Variants in SLC24A2 observed in about 807,000 individuals in gnomAD.
SLC24A2 encodes solute carrier family 24 member 2.
SLC24A2 carries 36 observed loss-of-function variants against 62.0 expected under a neutral mutation model. The observed-to-expected ratio is 0.58, with a 90% confidence interval of 0.44 to 0.77. The LOEUF is 0.77. Among genes scored for constraint, SLC24A2 ranks in the 30% least tolerant of loss-of-function variants. SLC24A2 has a pLI of 0.00. For synonymous variants in SLC24A2, 358 were observed against 294.0 expected, an observed-to-expected ratio of 1.22 and a Z score of -2.23; for missense variants, 846 against 817.9, an observed-to-expected ratio of 1.03 and a Z score of -0.42.
chr9:19,739,949 C>G (rs778666573), intron 2 of SLC24A2, among the ~76,000 whole-genome samples: 11 of 152,118 alleles, frequency 7.2e-5, no homozygotes, highest in Non-Finnish European at 1.5e-4. Flanking sequence ...ATATAAAGAA[C>G]TCCTACAAAT....
the SLC24A2 span, among the ~76,000 whole-genome samples, chr9:19,964,185 C>T: frequency 8.0e-6 from 1 of 124,358 alleles, no homozygotes; most frequent in Non-Finnish European, 1.6e-5. Context: ...CACATGGACA[C>T]AGGAAGGGGA....
chr9:20,272,343 G>C, the SLC24A2 span, among the ~76,000 whole-genome samples: 1 of 152,178 alleles, frequency 6.6e-6, no homozygotes, highest in African/African-American at 2.4e-5. Context: ...GAGAACTGCT[G>C]TTTTAGAGTC....
chr9:20,157,677 G>C, the SLC24A2 span, among the ~76,000 whole-genome samples: 1 of 151,558 alleles, frequency 6.6e-6, no homozygotes, highest in African/African-American at 2.4e-5. Flanking sequence ...TTCTGGTGGA[G>C]AATCAAATAC....
chr9:19,969,764 A>G, the SLC24A2 span, among the ~76,000 whole-genome samples: 1 of 152,354 alleles, frequency 6.6e-6, no homozygotes, highest in Non-Finnish European at 1.5e-5. Flanking sequence ...TAAAGATCAT[A>G]GAGCTTGTAA....
In SLC24A2 at chr9:19,510,435, C is replaced by A. The variant is rs1284754801; in HGVS notation, c.*5718G>T. Reference sequence around the variant, plus strand: ...GTGCCCAGATGCAGTTACTTTTTGCCAAAAAAAAAAAAAAAAAAAAAAAAA... The same window carrying A: ...GTGCCCAGATGCAGTTACTTTTTGCAAAAAAAAAAAAAAAAAAAAAAAAAA... On this transcript the variant is annotated 3_prime_UTR_variant, in exon 11 of 11. Coordinates refer to ENST00000341998, the MANE Select transcript of SLC24A2 (RefSeq NM_020344.4). 117 of 86,672 alleles carry A rather than the reference C, an allele frequency of 1.3e-3. No individual in the cohort carries two copies. Among genetic ancestry groups the A allele is most frequent in the Non-Finnish European group, 1.8e-3 (80 of 45,506 alleles). 5.4% of individuals were successfully genotyped at this position (86,672 alleles called of 1,614,324 possible).
intron 2 of SLC24A2, among the ~76,000 whole-genome samples, chr9:19,728,302 G>GA (rs561269789): frequency 0.013 from 1,561 of 119,010 alleles, 3 homozygotes; most frequent in East Asian, 0.029. Context: ...ATTAGTGACA[G>GA]AAAAAAAAAA....
the SLC24A2 span, among the ~76,000 whole-genome samples, chr9:20,029,024 C>G: frequency 6.6e-6 from 1 of 152,220 alleles, no homozygotes; most frequent in African/African-American, 2.4e-5. Flanking sequence ...TTTGGGTGAA[C>G]CTCTCAAGCC....
At chr9:20,165,953 A>C in the SLC24A2 span, among the ~76,000 whole-genome samples, 1 of 152,106 alleles carries the variant, frequency 6.6e-6, no homozygotes, top group Admixed American at 6.6e-5. Context: ...GGATGGAAAC[A>C]TGAGACATCC....
chr9:19,918,791 G>A, the SLC24A2 span, among the ~76,000 whole-genome samples: 3 of 152,220 alleles, frequency 2.0e-5, no homozygotes, highest in Non-Finnish European at 2.9e-5. Flanking sequence ...TGACCAGCCA[G>A]ATGCTGCCTT....
chr9:19,928,087 G>A, the SLC24A2 span: 1 of 152,344 alleles, frequency 6.6e-6, no homozygotes, highest in Non-Finnish European at 1.5e-5. Flanking sequence ...CTTTCATCCT[G>A]GGGTCTCCTA....
chr9:20,025,341 C>G, the SLC24A2 span, among the ~76,000 whole-genome samples: 2 of 151,982 alleles, frequency 1.3e-5, no homozygotes, highest in African/African-American at 4.8e-5. Context: ...AGTGGTAAAT[C>G]AATAAATGAA....
At chr9:19,890,786 C>T in the SLC24A2 span, among the ~76,000 whole-genome samples, 1 of 152,168 alleles carries the variant, frequency 6.6e-6, no homozygotes, top group African/African-American at 2.4e-5. Flanking sequence ...GCTGGGACTA[C>T]AGGCACGTAC....
chr9:19,862,280 A>C, the SLC24A2 span, among the ~76,000 whole-genome samples: 1 of 152,160 alleles, frequency 6.6e-6, no homozygotes, highest in Non-Finnish European at 1.5e-5. Context: ...GCTAGGAGAG[A>C]GTGGTATGAC....
chr9:19,773,785 C>T (rs1822761641), intron 2 of SLC24A2, among the ~76,000 whole-genome samples: 1 of 152,198 alleles, frequency 6.6e-6, no homozygotes, highest in Non-Finnish European at 1.5e-5. Context: ...TAGATAGGTG[C>T]ATGAATAGCT....
At chr9:19,858,371 C>A in the SLC24A2 span, among the ~76,000 whole-genome samples, 1 of 152,116 alleles carries the variant, frequency 6.6e-6, no homozygotes, top group East Asian at 1.9e-4. Flanking sequence ...AGATTAAAGA[C>A]CTAAATATAA....
At chr9:20,026,170 C>T in the SLC24A2 span, among the ~76,000 whole-genome samples, 1 of 152,046 alleles carries the variant, frequency 6.6e-6, no homozygotes, top group African/African-American at 2.4e-5. Flanking sequence ...ATGCAACTGT[C>T]TACAGGGGCC....
chr9:20,124,617 T>C, the SLC24A2 span, among the ~76,000 whole-genome samples: 34,524 of 152,072 alleles, frequency 0.23, 4,418 homozygotes, highest in East Asian at 0.59. Flanking sequence ...AACTTTCATT[T>C]ATTCCCTCAC....
the SLC24A2 span, among the ~76,000 whole-genome samples, chr9:20,228,643 T>A: frequency 6.6e-6 from 1 of 152,034 alleles, no homozygotes; most frequent in Non-Finnish European, 1.5e-5. Context: ...GAACGCCCCA[T>A]TGTCTCTGAT....
rs1237256984 is a variant in SLC24A2 at position 19,508,626 on chromosome 9, C to T, written c.*7527G>A. 1 of 152,048 alleles carries T rather than the reference C, an allele frequency of 6.6e-6. No individual in the cohort carries two copies. Among genetic ancestry groups the T allele is most frequent in the Non-Finnish European group, 1.5e-5 (1 of 68,052 alleles). 9.4% of individuals were successfully genotyped at this position (152,048 alleles called of 1,614,324 possible). A position where few individuals can be genotyped will look rare whatever the true frequency, so the allele number is the denominator to read the frequency against. On this transcript the variant is annotated 3_prime_UTR_variant, in exon 11 of 11. Coordinates refer to ENST00000341998, the MANE Select transcript of SLC24A2 (RefSeq NM_020344.4). The stretch of plus-strand genomic sequence containing the variant: ...TGGGTAACATAGTGAGACTCCATCT[C>T]TTAACAACAACAACAAAATTAGCCA...
Sources: allele counts gnomAD v4.1 joint callset (sites outside exome capture counted in the v4.1 genomes callset), GRCh38; gene constraint gnomAD v4.1.1; transcripts MANE v1.5; gene names NCBI Gene and HGNC (gene_info 2026-07-23, HGNC 2026-07-21).